Variants in UACA observed in about 807,000 individuals in gnomAD.
The protein encoded by UACA is uveal autoantigen with coiled-coil domains and ankyrin repeats.
UACA carries 112 observed loss-of-function variants against 160.5 expected under a neutral mutation model. That is an observed-to-expected ratio of 0.70 (90% CI 0.60 to 0.82). UACA has a LOEUF of 0.82. Among genes scored for constraint, UACA ranks in the 40% least tolerant of loss-of-function variants. The pLI is 0.00. For synonymous variants in UACA, 557 were observed against 568.4 expected, an observed-to-expected ratio of 0.98 and a Z score of 0.29; for missense variants, 1,574 against 1,614.6, an observed-to-expected ratio of 0.97 and a Z score of 0.43.
chr15:70,719,541 G>A (rs2140986715), intron 1 of UACA, among the ~76,000 whole-genome samples: 1 of 152,288 alleles, frequency 6.6e-6, no homozygotes, highest in East Asian at 1.9e-4. Context: ...GGCTCTGACT[G>A]AAATCAAATA....
intron 1 of UACA, among the ~76,000 whole-genome samples, chr15:70,757,640 T>A (rs2030509576): frequency 6.6e-6 from 1 of 152,232 alleles, no homozygotes. Context: ...TTATTTCCCT[T>A]TATTTTCCTG....
chr15:70,702,053 T>C, intron 1 of UACA: 1 of 1,401,444 alleles, frequency 7.1e-7, no homozygotes, highest in South Asian at 1.7e-5. Context: ...TACACTTAGC[T>C]TGGATCTCTA....
chr15:70,703,824 G>A (rs541765251), intron 1 of UACA, among the ~76,000 whole-genome samples: 75 of 152,138 alleles, frequency 4.9e-4, no homozygotes, highest in African/African-American at 1.6e-3. Flanking sequence ...TATTTCCCAA[G>A]AGCCCTACGC....
chr15:70,671,615 T>C (rs1897143492), intron 14 of UACA: 1 of 171,958 alleles, frequency 5.8e-6, no homozygotes, highest in African/African-American at 2.4e-5. Flanking sequence ...TTAAGACCGA[T>C]TTCTCCAAAT....
upstream of UACA, among the ~76,000 whole-genome samples, chr15:70,766,379 C>T (rs2031008956): frequency 6.6e-6 from 1 of 152,026 alleles, no homozygotes. Flanking sequence ...GGGCACTTAT[C>T]AAACCTAGAT....
intron 1 of UACA, among the ~76,000 whole-genome samples, chr15:70,744,140 G>C (rs1299830592): frequency 6.6e-6 from 1 of 151,482 alleles, no homozygotes; most frequent in Non-Finnish European, 1.5e-5. Flanking sequence ...AGCTACTGGA[G>C]AGGCTGAGGC....
At chr15:70,746,225 A>C (rs952234023) in intron 1 of UACA, among the ~76,000 whole-genome samples, 6 of 152,358 alleles carry the variant, frequency 3.9e-5, no homozygotes, top group African/African-American at 1.2e-4. Context: ...AAATTTTTGC[A>C]ATCTATCCAT....
intron 1 of UACA, among the ~76,000 whole-genome samples, chr15:70,748,260 A>C (rs1899771589): frequency 6.6e-6 from 1 of 152,236 alleles, no homozygotes; most frequent in African/African-American, 2.4e-5. Context: ...ACCCACAAAC[A>C]GGAAAGTATT....
chr15:70,666,043 A>ACC (rs1285854739), intron 16 of UACA, among the ~76,000 whole-genome samples: 1 of 152,204 alleles, frequency 6.6e-6, no homozygotes, highest in African/African-American at 2.4e-5. Flanking sequence ...GCTCATAAAA[A>ACC]CTGATTGGGA....
At chr15:70,706,591 T>C (rs2140975140) in intron 1 of UACA, among the ~76,000 whole-genome samples, 1 of 149,112 alleles carries the variant, frequency 6.7e-6, no homozygotes, top group Non-Finnish European at 1.5e-5. Context: ...AACAAAAACC[T>C]GTTAGAATAA....
chr15:70,671,776 A>C (rs950217187), intron 14 of UACA, 189 bp downstream of exon 14: 11 of 382,438 alleles, frequency 2.9e-5, no homozygotes, highest in Non-Finnish European at 5.1e-5. Context: ...TCAGAGCTTC[A>C]GTAATTATCA....
chr15:70,720,922 T>G (rs557468502), intron 1 of UACA, among the ~76,000 whole-genome samples: 1 of 152,300 alleles, frequency 6.6e-6, no homozygotes, highest in East Asian at 1.9e-4. Flanking sequence ...TGAATTCTGC[T>G]CACTACCATG....
intron 1 of UACA, among the ~76,000 whole-genome samples, chr15:70,762,924 T>G (rs982869466): frequency 1.2e-4 from 18 of 151,956 alleles, no homozygotes; most frequent in Admixed American, 1.1e-3. Flanking sequence ...CCCCGGGGAC[T>G]GGGGAGCCAA....
chr15:70,768,220 G>A (rs1307981643), upstream of UACA: 1 of 152,158 alleles, frequency 6.6e-6, no homozygotes, highest in Non-Finnish European at 1.5e-5. Flanking sequence ...CCCCTGTTGA[G>A]GATTGTTATG....
intron 9 of UACA, among the ~76,000 whole-genome samples, chr15:70,680,518 C>T (rs1897461729): frequency 6.6e-6 from 1 of 152,124 alleles, no homozygotes; most frequent in East Asian, 1.9e-4. Context: ...ACTAGAGGAA[C>T]AACTCCCATT....
chr15:70,674,050 C>T (rs754136846), intron 13 of UACA, among the ~76,000 whole-genome samples: 3 of 151,984 alleles, frequency 2.0e-5, no homozygotes, highest in Admixed American at 6.6e-5. Context: ...TTGGTAGAGA[C>T]GGGATTTCAC....
chr15:70,762,051 T>A (rs12913864), intron 1 of UACA, among the ~76,000 whole-genome samples: 3,090 of 149,660 alleles, frequency 0.021, 47 homozygotes, highest in African/African-American at 0.044. Flanking sequence ...TTACTTTTTT[T>A]AAAAAAAAAA....
intron 17 of UACA, among the ~76,000 whole-genome samples, chr15:70,663,818 GTGAGAACACA>G (rs1282728263): frequency 7.0e-6 from 1 of 143,228 alleles, no homozygotes; most frequent in Non-Finnish European, 1.5e-5. Flanking sequence ...GAACTGAACA[GTGAGAACACA>G]TGGACACAGG....
chr15:70,778,333 A>G, the UACA span, among the ~76,000 whole-genome samples: 2 of 152,238 alleles, frequency 1.3e-5, no homozygotes, highest in Non-Finnish European at 2.9e-5. Flanking sequence ...TTAAAACAAC[A>G]CAGCTCTGTA....
Sources: gnomAD v4.1 joint callset for allele counts (sites outside exome capture counted in the v4.1 genomes callset) on GRCh38, gnomAD v4.1.1 for gene constraint, MANE v1.5 for transcripts, NCBI Gene and HGNC (gene_info 2026-07-23, HGNC 2026-07-21) for gene names.